Variants in KATNA1 observed in about 807,000 individuals in gnomAD.
KATNA1 encodes katanin p60 ATPase-containing subunit A1.
Under a neutral mutation model 62.6 loss-of-function variants are expected in KATNA1, and 42 were observed. The observed-to-expected ratio is 0.67, with a 90% CI of 0.52 to 0.87. The LOEUF (loss-of-function observed/expected upper bound fraction) is 0.87. Ranked by LOEUF, KATNA1 falls within the 40% of genes least tolerant of loss-of-function variation. The pLI is 0.00. For missense variants in KATNA1, 498 were observed against 612.5 expected (o/e 0.81, Z 1.97); for synonymous variants, 186 against 201.9 (o/e 0.92, Z 0.67).
rs76662356 is a variant in KATNA1 at position 149,629,584 on chromosome 6, A to G, written c.320+3175T>C. Among the ~76,000 whole-genome samples, 1,260 of 152,332 alleles carry G rather than the reference A, an allele frequency of 8.3e-3. 19 individuals carry two copies. The highest frequency in any genetic ancestry group is 0.029 in the African/African-American group (1,212 of 41,562). On this transcript the variant is annotated intron_variant, in intron 3 of 10. Transcript: ENST00000367411. ...AGGAGAAAAGAGCAAGTAAATAAGA[A>G]TAAAACAAATTAACAGACAAAAGCA...
intron 1 of KATNA1, 63 bp from the exon 2 acceptor site, chr6:149,638,623 T>TA: frequency 8.3e-7 from 1 of 1,211,010 alleles, no homozygotes; most frequent in Non-Finnish European, 1.2e-6. Context: ...ATAAGTATAG[T>TA]TATTAAAAAA....
At chr6:149,618,951 G>A (rs983795466) in intron 4 of KATNA1, among the ~76,000 whole-genome samples, 2 of 152,088 alleles carry the variant, frequency 1.3e-5, no homozygotes, top group African/African-American at 4.8e-5. Flanking sequence ...CAAAAGCACA[G>A]GCAACAAAAG....
At chr6:149,608,527 C>T (rs11964790) in intron 4 of KATNA1, among the ~76,000 whole-genome samples, 4,069 of 152,236 alleles carry the variant, frequency 0.027, 165 homozygotes, top group African/African-American at 0.092. Flanking sequence ...CTTGTGGCCC[C>T]GGCCCCACCC....
At chr6:149,647,333 C>A (rs1780525463) in intron 1 of KATNA1, among the ~76,000 whole-genome samples, 1 of 151,602 alleles carries the variant, frequency 6.6e-6, no homozygotes. Flanking sequence ...ACCAGCCTGG[C>A]CAACATGGTG....
intron 4 of KATNA1, among the ~76,000 whole-genome samples, chr6:149,605,656 T>C (rs1238355293): frequency 6.6e-6 from 1 of 152,190 alleles, no homozygotes; most frequent in Non-Finnish European, 1.5e-5. Flanking sequence ...GTTTAAATTT[T>C]TGAAAGAAAC....
rs142923984 is a variant in KATNA1, at chr6:149,634,531, G to C, written c.163-1615C>G. ...TTTTATTTTTATGTTTTAGAGACAA[G>C]GTTTCATTCTGTTGCCCAGGCTGTA... On this transcript the variant is annotated intron_variant, in intron 2 of 10. Transcript: ENST00000367411. 3.6e-4 allele frequency among the ~76,000 whole-genome samples: 55 copies of C among 152,132 alleles called. No individual in the cohort carries two copies. The East Asian group carries it at 7.9e-3, about 22-fold the overall frequency.
At chr6:149,635,639 G>A (rs1177220252) in intron 2 of KATNA1, among the ~76,000 whole-genome samples, 1 of 152,032 alleles carries the variant, frequency 6.6e-6, no homozygotes, top group Non-Finnish European at 1.5e-5. Context: ...ACCCCAGGAG[G>A]CAGAGGTTGC....
At chr6:149,598,672 G>C (rs1300204169) in intron 7 of KATNA1, among the ~76,000 whole-genome samples, 2 of 151,956 alleles carry the variant, frequency 1.3e-5, no homozygotes, top group South Asian at 4.1e-4. Flanking sequence ...AGTGAGCTAT[G>C]ATCACACCAC....
At chr6:149,645,895 G>A (rs946432984) in intron 1 of KATNA1, among the ~76,000 whole-genome samples, 1 of 151,160 alleles carries the variant, frequency 6.6e-6, no homozygotes, top group Admixed American at 6.6e-5. Flanking sequence ...TTCTCCTCTA[G>A]GATTAGGAAA....
chr6:149,609,808 A>AT (rs1778877996), intron 4 of KATNA1, among the ~76,000 whole-genome samples: 1 of 144,220 alleles, frequency 6.9e-6, no homozygotes, highest in South Asian at 2.2e-4. Flanking sequence ...ATCTCAAAAA[A>AT]AAAAAAAATA....
chr6:149,595,710 A>C (rs1193103273), intron 10 of KATNA1, among the ~76,000 whole-genome samples: 9 of 152,088 alleles, frequency 5.9e-5, no homozygotes. Flanking sequence ...GCCTTTTACC[A>C]AGTTTTATCC....
intron 8 of KATNA1, among the ~76,000 whole-genome samples, chr6:149,597,863 G>A (rs1236224450): frequency 3.3e-5 from 5 of 152,142 alleles, no homozygotes; most frequent in Non-Finnish European, 7.4e-5. Flanking sequence ...AGATTTAATC[G>A]AAAAGCCAGA....
intron 1 of KATNA1, among the ~76,000 whole-genome samples, chr6:149,648,050 A>G (rs1270787876): frequency 2.0e-5 from 3 of 152,264 alleles, no homozygotes; most frequent in East Asian, 3.9e-4. Flanking sequence ...ATCCCCAACA[A>G]TATCACTCGA....
rs1779484107 is a variant in KATNA1 at position 149,623,369 on chromosome 6, TAAAGAAGCCA to T, written c.321-96_321-87del. The T allele has an allele frequency of 1.5e-5, 14 of 926,904 alleles. 1 individual carries two copies. The South Asian group carries it at 3.1e-4, about 21-fold the overall frequency. The allele number at this position is 926,904 out of a possible 1,614,324, so 57.4% of individuals were successfully genotyped here. On this transcript the variant is annotated intron_variant, in intron 3 of 10. Coordinates refer to ENST00000367411, the MANE Select transcript of KATNA1 (RefSeq NM_007044.4). ...CTGTGTAAGTTAAGAGTCTATGAACTAAAGAAGCCAATGCAACAACTGAACACAAGACACG... is the reference window on the plus strand; with the variant it reads ...CTGTGTAAGTTAAGAGTCTATGAACTATGCAACAACTGAACACAAGACACG...
intron 4 of KATNA1, among the ~76,000 whole-genome samples, chr6:149,608,314 G>C (rs1778816511): frequency 6.6e-6 from 1 of 152,088 alleles, no homozygotes; most frequent in African/African-American, 2.4e-5. Context: ...ACTCAAACAT[G>C]GTGTGAGTTC....
At chr6:149,648,753 G>C (rs1412172844), upstream of KATNA1, 5 of 152,288 alleles carry the variant, frequency 3.3e-5, no homozygotes, top group African/African-American at 7.2e-5. Flanking sequence ...GAGGTCGCTG[G>C]GCGGGAGCGG....
chr6:149,607,374 G>A (rs982626918), intron 4 of KATNA1, among the ~76,000 whole-genome samples: 1 of 152,166 alleles, frequency 6.6e-6, no homozygotes, highest in South Asian at 2.1e-4. Context: ...CTAGCACTTA[G>A]GCTGAGGGGG....
intron 4 of KATNA1, among the ~76,000 whole-genome samples, chr6:149,613,285 T>G (rs909226544): frequency 6.7e-6 from 1 of 149,784 alleles, no homozygotes; most frequent in Non-Finnish European, 1.5e-5. Flanking sequence ...TTGAATTCTT[T>G]CCTCCTAAAA....
At chr6:149,627,500 C>T (rs1329243240) in intron 3 of KATNA1, among the ~76,000 whole-genome samples, 1 of 148,466 alleles carries the variant, frequency 6.7e-6, no homozygotes, top group Non-Finnish European at 1.5e-5. Context: ...TGCATTCCAG[C>T]CTGGACGACA....
Sources: allele counts gnomAD v4.1 joint callset (sites outside exome capture counted in the v4.1 genomes callset), GRCh38; gene constraint gnomAD v4.1.1; transcripts MANE v1.5; gene names NCBI Gene and HGNC (gene_info 2026-07-23, HGNC 2026-07-21).